MTMR10: variants seen among roughly 807,000 people sequenced by gnomAD.
MTMR10 encodes the protein myotubularin-related protein 10.
In MTMR10, 56 loss-of-function variants were observed where a neutral mutation model predicts 88.1. That is an observed-to-expected ratio of 0.64 (90% CI 0.51 to 0.79). MTMR10 has a LOEUF of 0.79. Ranked by LOEUF, MTMR10 falls within the 30% of genes least tolerant of loss-of-function variation. The pLI, the probability that MTMR10 is intolerant of heterozygous loss-of-function variation, is 0.00. For synonymous variants in MTMR10, 380 were observed against 340.9 expected (o/e 1.11, Z -1.26); for missense variants, 883 against 924.7 (o/e 0.95, Z 0.58).
chr15:30,964,691 T>C (rs2063452262), intron 6 of MTMR10, among the ~76,000 whole-genome samples: 1 of 152,152 alleles, frequency 6.6e-6, no homozygotes, highest in Admixed American at 6.5e-5. Context: ...ACCAACACAG[T>C]GAAAGGTGGG....
intron 2 of MTMR10, among the ~76,000 whole-genome samples, chr15:30,979,387 CAT>C (rs987592166): frequency 3.4e-5 from 5 of 147,822 alleles, no homozygotes; most frequent in African/African-American, 1.2e-4. Flanking sequence ...TGGTGAAACC[CAT>C]CTCTATTAAA....
chr15:30,938,019 C>T (rs1463827320), downstream of MTMR10, among the ~76,000 whole-genome samples: 1 of 151,746 alleles, frequency 6.6e-6, no homozygotes, highest in Non-Finnish European at 1.5e-5. Context: ...CCCATCTCTA[C>T]TAAAAATACA....
the MTMR10 span, chr15:30,928,121 A>C: frequency 1.0e-6 from 1 of 1,003,618 alleles, no homozygotes; most frequent in Non-Finnish European, 1.2e-6. Context: ...CCCCTTAGGG[A>C]AGCATTTCTT....
intron 3 of MTMR10, 149 bp from the exon 4 acceptor site, chr15:30,975,152 T>C: frequency 1.7e-6 from 1 of 579,568 alleles, no homozygotes; most frequent in Non-Finnish European, 3.0e-6. Context: ...ATTCCAATGT[T>C]GACAGATAGA....
Position 30,939,234 on chromosome 15 carries a change from C to CA in MTMR10, c.*2235dup. On this transcript the variant is annotated 3_prime_UTR_variant, in exon 16 of 16. Coordinates refer to ENST00000435680, the MANE Select transcript of MTMR10 (RefSeq NM_017762.3). ...TTTTGGTTTCAAAATCAGTTTCCAT[C>CA]ATAAAATAACAGCAAGACACTGTAC... 1 of 985,442 alleles carries CA rather than the reference C, an allele frequency of 1.0e-6. No individual in the cohort carries two copies. 61.0% of individuals were successfully genotyped at this position (985,442 alleles called of 1,614,324 possible). A position where few individuals can be genotyped will look rare whatever the true frequency, so the allele number is the denominator to read the frequency against.
chr15:30,946,499 G>C, intron 14 of MTMR10: 1 of 465,442 alleles, frequency 2.1e-6, no homozygotes. Flanking sequence ...TGAGGCTGAA[G>C]ACCCCGGAGC....
intron 14 of MTMR10, chr15:30,946,877 A>G (rs2063179120): frequency 8.1e-6 from 5 of 614,740 alleles, no homozygotes; most frequent in Admixed American, 2.9e-5. Flanking sequence ...TAAGGTGGTT[A>G]AAGTAATTTA....
intron 5 of MTMR10, among the ~76,000 whole-genome samples, chr15:30,969,846 G>A (rs1329360322): frequency 6.6e-6 from 1 of 151,918 alleles, no homozygotes; most frequent in Non-Finnish European, 1.5e-5. Flanking sequence ...CTTAGCCCCA[G>A]CCATCTCCAC....
chr15:30,940,361 G>A lies in MTMR10; in HGVS notation c.*1109C>T, dbSNP rs1005264499. On this transcript the variant is annotated 3_prime_UTR_variant, in exon 16 of 16. Transcript: ENST00000435680. ...TTGCTGTCCAAAGTTGGGGGCTGGG[G>A]GAGCACTTCTGTCGCTATTCAAATG... 23 of 985,250 alleles carry A rather than the reference G, an allele frequency of 2.3e-5. No individual in the cohort carries two copies. Among genetic ancestry groups the A allele is most frequent in the Non-Finnish European group, 2.5e-5 (21 of 829,936 alleles). The allele number at this position is 985,250 out of a possible 1,614,324, so 61.0% of individuals were successfully genotyped here.
At chr15:30,930,574 T>A in the MTMR10 span, 1 of 1,610,880 alleles carries the variant, frequency 6.2e-7, no homozygotes, top group African/African-American at 1.3e-5. Flanking sequence ...GGCCCTGTGC[T>A]CAGTGGTGTG....
chr15:30,991,195 A>T, intron 1 of MTMR10: 1 of 484,448 alleles, frequency 2.1e-6, no homozygotes, highest in South Asian at 3.8e-5. Context: ...CCTGGGCCTC[A>T]ACACTCCGCA....
At chr15:30,928,701 T>C in the MTMR10 span, 1 of 1,612,034 alleles carries the variant, frequency 6.2e-7, no homozygotes, top group Non-Finnish European at 8.5e-7. Flanking sequence ...TCTGCACACA[T>C]CCGTGGCTCA....
the MTMR10 span, among the ~76,000 whole-genome samples, chr15:30,929,639 A>C: frequency 8.1e-6 from 1 of 123,312 alleles, no homozygotes; most frequent in African/African-American, 3.4e-5. Context: ...ATTATACAAT[A>C]TACAATATAT....
At chr15:30,954,691 T>A (rs1354200797) in intron 10 of MTMR10, 72 bp downstream of exon 10, 1 of 1,358,562 alleles carries the variant, frequency 7.4e-7, no homozygotes, top group Non-Finnish European at 9.7e-7. Flanking sequence ...TTTAAGAACA[T>A]CACTTTTCCT....
At chr15:30,925,673 TCTA>T in the MTMR10 span, 7 of 1,162,442 alleles carry the variant, frequency 6.0e-6, no homozygotes, top group East Asian at 4.7e-5. Context: ...CGCTGTGTGC[TCTA>T]CTAAGTGACT....
intron 2 of MTMR10, among the ~76,000 whole-genome samples, chr15:30,985,212 C>T (rs532366344): frequency 1.3e-4 from 20 of 152,214 alleles, no homozygotes; most frequent in Admixed American, 3.9e-4. Flanking sequence ...GACTGTGCTT[C>T]GGCACAGCCA....
At chr15:30,921,603 C>T in the MTMR10 span, among the ~76,000 whole-genome samples, 1 of 152,092 alleles carries the variant, frequency 6.6e-6, no homozygotes, top group South Asian at 2.1e-4. Context: ...CTGTGAATCC[C>T]AGGGGAGTGA....
chr15:30,939,737 A>C lies in MTMR10; in HGVS notation c.*1733T>G. On this transcript the variant is annotated 3_prime_UTR_variant, in exon 16 of 16. Transcript: ENST00000435680. ...TTAGTAATAATAAAAAAGCAGCTAAATGAAAAAGGGAGAATTGTGATTACA... is the reference window on the plus strand; with the variant it reads ...TTAGTAATAATAAAAAAGCAGCTAACTGAAAAAGGGAGAATTGTGATTACA... The C allele has an allele frequency of 1.0e-6, 1 of 983,788 alleles. No homozygotes were observed. The highest frequency in any genetic ancestry group is 1.2e-6 in the Non-Finnish European group (1 of 828,428). The allele number at this position is 983,788 out of a possible 1,614,324, so 60.9% of individuals were successfully genotyped here. A position where few individuals can be genotyped will look rare whatever the true frequency, so the allele number is the denominator to read the frequency against.
rs1325728817 is a variant in MTMR10, at chr15:30,939,155, AC to A, written c.*2314del. 2.0e-6 allele frequency: 2 copies of A among 985,254 alleles called. No individual in the cohort carries two copies. The highest frequency in any genetic ancestry group is 3.5e-5 in the African/African-American group (2 of 57,230). 61.0% of individuals were successfully genotyped at this position (985,254 alleles called of 1,614,324 possible). ...TTGTTGACAAATGTGAACAGCTTTC[AC>A]CCTCTGTTAGTACAAATTAATATCC... On this transcript the variant is annotated 3_prime_UTR_variant, in exon 16 of 16. Transcript: ENST00000435680.
Sources: gnomAD v4.1 joint callset for allele counts (sites outside exome capture counted in the v4.1 genomes callset) on GRCh38, gnomAD v4.1.1 for gene constraint, MANE v1.5 for transcripts, NCBI Gene and HGNC (gene_info 2026-07-23, HGNC 2026-07-21) for gene names.